The following KIF24 variants were observed in gnomAD, a reference collection of about 807,000 sequenced individuals.
KIF24 encodes kinesin-like protein KIF24.
Under a neutral mutation model 118.9 loss-of-function variants are expected in KIF24, and 81 were observed. That is an observed-to-expected ratio of 0.68 (90% confidence interval 0.57 to 0.82). The LOEUF (loss-of-function observed/expected upper bound fraction) is 0.82. KIF24 is among the 40% of genes least tolerant of loss of function. The probability of loss-of-function intolerance (pLI) is 0.00; values close to 1 mark genes in which losing one functional copy is unlikely to be tolerated. For synonymous variants in KIF24, 599 were observed against 610.0 expected, an observed-to-expected ratio of 0.98 and a Z score of 0.27; for missense variants, 1,560 against 1,661.6, an observed-to-expected ratio of 0.94 and a Z score of 1.06.
intron 6 of KIF24, among the ~76,000 whole-genome samples, chr9:34,285,500 C>G (rs768874088): frequency 6.6e-6 from 1 of 151,476 alleles, no homozygotes; most frequent in Non-Finnish European, 1.5e-5. Flanking sequence ...TCTGGCAGGG[C>G]GTGGTGGCTC....
intron 5 of KIF24, among the ~76,000 whole-genome samples, chr9:34,288,240 C>A (rs1280581801): frequency 2.0e-5 from 3 of 150,834 alleles, no homozygotes; most frequent in African/African-American, 7.3e-5. Flanking sequence ...AATCCTAACA[C>A]TTTGGGAGGC....
At chr9:34,255,378 G>A (rs566131291) in intron 11 of KIF24, among the ~76,000 whole-genome samples, 4 of 152,040 alleles carry the variant, frequency 2.6e-5, no homozygotes, top group Non-Finnish European at 4.4e-5. Flanking sequence ...ATACAGGGAG[G>A]GAGACAGGGG....
At chr9:34,273,630 G>A (rs1266118506) in intron 6 of KIF24, among the ~76,000 whole-genome samples, 1 of 6,594 alleles carries the variant, frequency 1.5e-4, no homozygotes, top group Admixed American at 1.2e-3. Flanking sequence ...GGCACAGTGT[G>A]GGGCAGAGTG....
rs1329380432 is a variant in KIF24, at chr9:34,318,385, C to G, written c.-25-7014G>C. The G allele has an allele frequency of 2.8e-5, 19 of 674,728 alleles. No individual in the cohort carries two copies. In the East Asian group the frequency reaches 4.4e-4, roughly 16 times the overall value. 41.8% of individuals were successfully genotyped at this position (674,728 alleles called of 1,614,324 possible). A position where few individuals can be genotyped will look rare whatever the true frequency, so the allele number is the denominator to read the frequency against. On this transcript the variant is annotated intron_variant, in intron 1 of 12. Coordinates refer to ENST00000402558, the MANE Select transcript of KIF24 (RefSeq NM_194313.4). The surrounding 1 kb of genome is among the most constrained non-coding windows in gnomAD (Gnocchi z 4.9). The stretch of plus-strand genomic sequence containing the variant: ...GCCCTGACAGGTCCATCGTGGTGCA[C>G]GCAAACCACCTCCCAGCCACGCGCT...
intron 2 of KIF24, among the ~76,000 whole-genome samples, chr9:34,308,637 C>A (rs1837021901): frequency 6.6e-6 from 1 of 152,100 alleles, no homozygotes; most frequent in Non-Finnish European, 1.5e-5. Flanking sequence ...TGTTGGATAT[C>A]AATAACCTAA....
intron 9 of KIF24, among the ~76,000 whole-genome samples, chr9:34,261,751 T>A (rs997356943): frequency 6.6e-6 from 1 of 152,184 alleles, no homozygotes; most frequent in Admixed American, 6.5e-5. Context: ...TTTTTTCACA[T>A]CACAATAGAT....
chr9:34,302,469 A>ATTTT (rs34131990), intron 3 of KIF24, among the ~76,000 whole-genome samples: 1 of 138,560 alleles, frequency 7.2e-6, no homozygotes, highest in Non-Finnish European at 1.5e-5. Context: ...ACGCTTGGCA[A>ATTTT]TTTTTTTTTT....
At chr9:34,321,023 A>G (rs1033690920) in intron 1 of KIF24, among the ~76,000 whole-genome samples, 1 of 152,208 alleles carries the variant, frequency 6.6e-6, no homozygotes, top group African/African-American at 2.4e-5. Flanking sequence ...ATAGATTAAC[A>G]TAATTATTGA....
chr9:34,283,045 T>C (rs1347213783), intron 6 of KIF24, among the ~76,000 whole-genome samples: 13 of 59,660 alleles, frequency 2.2e-4, no homozygotes, highest in East Asian at 9.7e-4. Context: ...AGAGCAAAAC[T>C]CCGTCTCAAA....
chr9:34,281,065 G>A lies in KIF24; in HGVS notation c.1215+5552C>T, dbSNP rs147474583. On this transcript the variant is annotated intron_variant, in intron 6 of 12. Transcript: ENST00000402558. ...TTTTGAGATGGAGTCTTGCTCTGTT[G>A]CCTAGGCTGGAGTGCAATGGCACGA... is the stretch of plus-strand genomic sequence containing the variant. Among the ~76,000 whole-genome samples the A allele has an allele frequency of 8.0e-4, 122 of 152,196 alleles. 1 individual carries two copies. The East Asian group carries it at 0.018, about 22-fold the overall frequency.
At chr9:34,333,599 A>G (rs1838006285), upstream of KIF24, among the ~76,000 whole-genome samples, 1 of 136,652 alleles carries the variant, frequency 7.3e-6, no homozygotes, top group Non-Finnish European at 1.5e-5. Flanking sequence ...GTGAGCTGTG[A>G]TCATACCATT....
intron 9 of KIF24, 69 bp downstream of exon 9, chr9:34,263,031 TG>T: frequency 1.6e-6 from 2 of 1,214,944 alleles, no homozygotes; most frequent in South Asian, 2.6e-5. Flanking sequence ...CTCGACTGAA[TG>T]AACAAATACA....
rs1834875001 is a variant in KIF24 at position 34,257,023 on chromosome 9, C to T, written c.2584G>A (p.Gly862Arg). The T allele has an allele frequency of 1.2e-6, 2 of 1,613,898 alleles. No individual in the cohort carries two copies. The highest frequency in any genetic ancestry group is 1.7e-5 in the Admixed American group (1 of 60,006). The change falls in exon 11 of 13, where the codon GGA (glycine) becomes AGA (arginine). Residue 862 changes from glycine (G) to arginine (R), a missense_variant. This residue lies in a region of KIF24 where 591 missense variants were observed against 655.6 expected (regional missense o/e 0.90). Transcript: ENST00000402558. Reference protein sequence around the residue: ...EDSFFLHQTWGQGPEKQVAER... With the variant: ...EDSFFLHQTWRQGPEKQVAER... ...GCCACCTGCTTCTCAGGACCCTGTC[C>T]CCACGTCTGGTGCAGGAAGAATGAG...
At chr9:34,297,405 G>A (rs907779207) in intron 3 of KIF24, among the ~76,000 whole-genome samples, 15 of 152,210 alleles carry the variant, frequency 9.9e-5, no homozygotes, top group Non-Finnish European at 1.5e-4. Flanking sequence ...AGGTCTAGGA[G>A]AGAAAGTGAA....
rs1836921352 is a variant in KIF24, at chr9:34,306,427, T to G, written c.638A>C (p.Glu213Ala). 3 of 1,601,160 alleles carry G rather than the reference T, an allele frequency of 1.9e-6. No individual in the cohort carries two copies. Among genetic ancestry groups the G allele is most frequent in the Non-Finnish European group, 2.6e-6 (3 of 1,174,072 alleles). ...CATCTCAGTCCAAGGATTCTGTTTCTCTGAAGTGTTCTGTCTAATATGTTT... is the reference window on the plus strand; with the variant it reads ...CATCTCAGTCCAAGGATTCTGTTTCGCTGAAGTGTTCTGTCTAATATGTTT... The part of the protein sequence containing the change: ...PHSCIRQNTS[E>A]KQNPWTEMEK... The change falls in exon 3 of 13, where the codon GAG becomes GCG. Residue 213 changes from glutamate (E) to alanine (A), a missense_variant. Physicochemically the swap from Glu to Ala is moderately radical, Grantham distance 107. Coordinates refer to ENST00000402558, the MANE Select transcript of KIF24 (RefSeq NM_194313.4).
At chr9:34,292,350 A>AT (rs967689075) in intron 4 of KIF24, among the ~76,000 whole-genome samples, 2 of 151,732 alleles carry the variant, frequency 1.3e-5, no homozygotes, top group Non-Finnish European at 2.9e-5. Context: ...TCCCCTGTAA[A>AT]TTTTTTTTCC....
At chr9:34,287,444 GT>G (rs1428902017) in intron 5 of KIF24, among the ~76,000 whole-genome samples, 2 of 152,090 alleles carry the variant, frequency 1.3e-5, no homozygotes, top group Admixed American at 6.5e-5. Context: ...GTAATAAATG[GT>G]TATGGTCTAC....
intron 3 of KIF24, among the ~76,000 whole-genome samples, chr9:34,303,054 G>A (rs575604217): frequency 1.4e-4 from 21 of 151,948 alleles, no homozygotes; most frequent in Non-Finnish European, 2.5e-4. Context: ...GATTACAGGC[G>A]TGAGCCACCG....
Position 34,290,310 on chromosome 9 carries a change from C to G in KIF24, c.991G>C (p.Gly331Arg), listed in dbSNP as rs747097059. The G allele has an allele frequency of 6.2e-7, 1 of 1,613,938 alleles. No homozygotes were observed. The highest frequency in any genetic ancestry group is 8.5e-7 in the Non-Finnish European group (1 of 1,179,848). Residue 331 changes from glycine (G) to arginine (R), a missense_variant, in exon 5 of 13, where the codon GGA becomes CGA. Physicochemically the swap from Gly to Arg is moderately radical, Grantham distance 125 (BLOSUM62 -2). This residue lies in a region of KIF24 where 964 missense variants were observed against 988.0 expected (regional missense o/e 0.98). Transcript: ENST00000402558. Reference sequence around the variant, plus strand: ...TCTTTGGCAGCTAGAGCATACAATCCTGGGTTCTCATGAGTTCCTATCATG... The same window carrying G: ...TCTTTGGCAGCTAGAGCATACAATCGTGGGTTCTCATGAGTTCCTATCATG... The part of the protein sequence containing the change: ...YTMIGTHENP[G>R]LYALAAKDIF...
Sources: allele counts gnomAD v4.1 joint callset (sites outside exome capture counted in the v4.1 genomes callset), GRCh38; gene constraint gnomAD v4.1.1; regional missense constraint gnomAD v4.1.1; non-coding constraint Gnocchi (gnomAD v3.1); transcripts MANE v1.5; gene names NCBI Gene and HGNC (gene_info 2026-07-23, HGNC 2026-07-21).